Variants in GLIS1 observed in about 807,000 individuals in gnomAD.
The protein encoded by GLIS1 is zinc finger protein GLIS1.
Under a neutral mutation model 63.8 loss-of-function variants are expected in GLIS1, and 24 were observed. The observed-to-expected ratio is 0.38, with a 90% CI of 0.27 to 0.53. The LOEUF is 0.53. GLIS1 is among the 20% of genes least tolerant of loss of function. GLIS1 has a pLI of 0.85. For synonymous variants in GLIS1, 450 were observed against 482.5 expected, an observed-to-expected ratio of 0.93 and a Z score of 0.88; for missense variants, 1,036 against 1,074.1, an observed-to-expected ratio of 0.96 and a Z score of 0.50.
intron 2 of GLIS1, among the ~76,000 whole-genome samples, chr1:53,737,577 T>C (rs1646923656): frequency 6.6e-6 from 1 of 152,260 alleles, no homozygotes; most frequent in Admixed American, 6.5e-5. Flanking sequence ...TTATGTAAGC[T>C]GAGAGCTTTC....
intron 2 of GLIS1, among the ~76,000 whole-genome samples, chr1:53,652,959 C>T (rs1357025993): frequency 2.0e-5 from 3 of 152,192 alleles, no homozygotes; most frequent in Admixed American, 6.5e-5. Flanking sequence ...CTGCCCAGGG[C>T]GGCCAAGAAG....
At chr1:53,561,751 T>C (rs1184587597) in intron 4 of GLIS1, among the ~76,000 whole-genome samples, 1 of 152,150 alleles carries the variant, frequency 6.6e-6, no homozygotes, top group Non-Finnish European at 1.5e-5. Context: ...TCCCGAGGTG[T>C]GAAGCCAAGG....
intron 8 of GLIS1, among the ~76,000 whole-genome samples, chr1:53,512,417 T>C (rs913239858): frequency 1.3e-5 from 2 of 152,178 alleles, no homozygotes; most frequent in Non-Finnish European, 1.5e-5. Flanking sequence ...GTAAATAAAT[T>C]TGGTCATGAA....
At chr1:53,693,861 G>A (rs930833160) in intron 2 of GLIS1, among the ~76,000 whole-genome samples, 17 of 152,200 alleles carry the variant, frequency 1.1e-4, no homozygotes, top group African/African-American at 3.1e-4. Context: ...TGGCTGTGCC[G>A]CTCAAAGTGA....
intron 2 of GLIS1, among the ~76,000 whole-genome samples, chr1:53,708,443 TATA>T (rs1053135194): frequency 1.1e-4 from 16 of 152,152 alleles, no homozygotes; most frequent in Non-Finnish European, 2.9e-5. Context: ...CACCATGAAA[TATA>T]ATATTATTAT....
chr1:53,721,798 GA>G (rs1157982141), intron 2 of GLIS1, among the ~76,000 whole-genome samples: 2 of 151,988 alleles, frequency 1.3e-5, no homozygotes, highest in Non-Finnish European at 2.9e-5. Flanking sequence ...AGCAATGAAA[GA>G]AAAGACAAAA....
At chr1:53,697,385 G>C (rs570611642) in intron 2 of GLIS1, among the ~76,000 whole-genome samples, 2 of 152,262 alleles carry the variant, frequency 1.3e-5, no homozygotes, top group Admixed American at 6.5e-5. Context: ...TGCACATGCA[G>C]TTCCTCCCCA....
At chr1:53,656,666 T>C (rs1022681154) in intron 2 of GLIS1, among the ~76,000 whole-genome samples, 6 of 152,224 alleles carry the variant, frequency 3.9e-5, no homozygotes, top group Admixed American at 2.0e-4. Context: ...AGAACACGGA[T>C]TCCATTTGCA....
chr1:53,647,150 C>T (rs937773193), intron 2 of GLIS1, among the ~76,000 whole-genome samples: 4 of 151,992 alleles, frequency 2.6e-5, no homozygotes, highest in Non-Finnish European at 4.4e-5. Flanking sequence ...TTTTTCTTCC[C>T]AAATTTATCT....
intron 2 of GLIS1, among the ~76,000 whole-genome samples, chr1:53,631,380 A>C (rs1418409506): frequency 6.6e-6 from 1 of 152,218 alleles, no homozygotes; most frequent in Non-Finnish European, 1.5e-5. Context: ...GTGTTATTTT[A>C]AGATCCCTAT....
rs927535940 is a variant in GLIS1, at chr1:53,526,652, C to G, written c.1483-1765G>C. 6.6e-6 allele frequency among the ~76,000 whole-genome samples: 1 copy of G among 152,266 alleles called. No individual in the cohort carries two copies. Among genetic ancestry groups the G allele is most frequent in the African/African-American group, 2.4e-5 (1 of 41,482 alleles). On this transcript the variant is annotated intron_variant, in intron 5 of 10. Transcript: ENST00000628545. This position sits in a 1 kb window ranked among gnomAD's most constrained non-coding sequence, Gnocchi z 4.4. ...GCCCAGGCACACACACGGCCCTGCC[C>G]TGTCCCTGAGCCGGCCCCAGGACTG...
chr1:53,611,102 T>C (rs1280443586), intron 2 of GLIS1, among the ~76,000 whole-genome samples: 1 of 152,190 alleles, frequency 6.6e-6, no homozygotes, highest in Non-Finnish European at 1.5e-5. Context: ...TTTTATTTTT[T>C]GAGACAGGGT....
At chr1:53,523,960 G>C in intron 6 of GLIS1, among the ~76,000 whole-genome samples, 1 of 152,340 alleles carries the variant, frequency 6.6e-6, no homozygotes, top group East Asian at 1.9e-4. Context: ...CTCAGCGCCA[G>C]TCACTCTGGG....
intron 4 of GLIS1, among the ~76,000 whole-genome samples, chr1:53,551,566 C>T: frequency 6.6e-6 from 1 of 152,268 alleles, no homozygotes; most frequent in East Asian, 1.9e-4. Flanking sequence ...TGCTTAGAGC[C>T]CTGGGGCTTA....
chr1:53,610,862 C>G (rs1645417989), intron 2 of GLIS1, among the ~76,000 whole-genome samples: 1 of 152,124 alleles, frequency 6.6e-6, no homozygotes, highest in Admixed American at 6.5e-5. Context: ...AATTTTCCAT[C>G]CTTTTTTAAC....
intron 2 of GLIS1, among the ~76,000 whole-genome samples, chr1:53,619,905 A>G (rs1321644417): frequency 6.6e-6 from 1 of 152,250 alleles, no homozygotes; most frequent in African/African-American, 2.4e-5. Context: ...ACCAGAACCC[A>G]GTCCTCCAGA....
chr1:53,690,308 C>T (rs537550314), intron 2 of GLIS1, among the ~76,000 whole-genome samples: 94 of 152,356 alleles, frequency 6.2e-4, no homozygotes, highest in Admixed American at 8.5e-4. Flanking sequence ...CCCCCATCAG[C>T]GCATGATGGG....
chr1:53,662,354 C>T lies in GLIS1; in HGVS notation c.260-62076G>A, dbSNP rs1447779393. Among the ~76,000 whole-genome samples, 5 of 152,234 alleles carry T rather than the reference C, an allele frequency of 3.3e-5. No homozygotes were observed. The South Asian group carries it at 6.2e-4, about 19-fold the overall frequency. ...GACCCAAGAGAAATGCATCCCTTGC[C>T]GTCTATTGAAACCATGTGTTCCCAA... On this transcript the variant is annotated intron_variant, in intron 2 of 10. Transcript: ENST00000628545.
rs1217887051 is a variant in GLIS1 at position 53,641,489 on chromosome 1, C to A, written c.260-41211G>T. Among the ~76,000 whole-genome samples, 4 of 152,170 alleles carry A rather than the reference C, an allele frequency of 2.6e-5. No homozygotes were observed. The East Asian group carries it at 5.8e-4, about 22-fold the overall frequency. On this transcript the variant is annotated intron_variant, in intron 2 of 10. Transcript: ENST00000628545. ...AGCACTCTGAGAAGAGCCTCAGGTGCAAGTTCTGGCTATATCACTTGCTGA... is the reference window on the plus strand; with the variant it reads ...AGCACTCTGAGAAGAGCCTCAGGTGAAAGTTCTGGCTATATCACTTGCTGA...
Sources: allele counts gnomAD v4.1 joint callset (sites outside exome capture counted in the v4.1 genomes callset), GRCh38; gene constraint gnomAD v4.1.1; non-coding constraint Gnocchi (gnomAD v3.1); transcripts MANE v1.5; gene names NCBI Gene and HGNC (gene_info 2026-07-23, HGNC 2026-07-21).